The following CAMTA1 variants were observed in gnomAD, a reference collection of about 807,000 sequenced individuals.
CAMTA1 encodes calmodulin binding transcription activator 1.
In CAMTA1, 27 loss-of-function variants were observed where a neutral mutation model predicts 170.9. That is an observed-to-expected ratio of 0.16 (90% CI 0.12 to 0.22). The LOEUF (loss-of-function observed/expected upper bound fraction) is 0.22, where lower values mean the gene tolerates loss of function less well. Ranked by LOEUF, CAMTA1 falls within the 10% of genes least tolerant of loss-of-function variation. The probability of loss-of-function intolerance (pLI) is 1.00; values close to 1 mark genes in which losing one functional copy is unlikely to be tolerated. For synonymous variants in CAMTA1, 833 were observed against 891.5 expected, an observed-to-expected ratio of 0.93 and a Z score of 1.17; for missense variants, 1,619 against 2,217.2, an observed-to-expected ratio of 0.73 and a Z score of 5.42.
chr1:7,531,017 A>G (rs1010879597), intron 6 of CAMTA1, among the ~76,000 whole-genome samples: 1 of 151,918 alleles, frequency 6.6e-6, no homozygotes, highest in African/African-American at 2.4e-5. Context: ...GGGTTTCACC[A>G]TGTTGGCCAG....
chr1:7,621,327 C>A (rs2095596817), intron 6 of CAMTA1, among the ~76,000 whole-genome samples: 1 of 152,222 alleles, frequency 6.6e-6, no homozygotes, highest in Admixed American at 6.5e-5. Flanking sequence ...CAGGCCACAG[C>A]CAGAATACGT....
chr1:7,229,363 G>A (rs146527414), intron 4 of CAMTA1, among the ~76,000 whole-genome samples: 201 of 146,880 alleles, frequency 1.4e-3, no homozygotes, highest in Non-Finnish European at 2.7e-3. Flanking sequence ...GCAGCTGGAG[G>A]CCAGGACAAT....
intron 6 of CAMTA1, among the ~76,000 whole-genome samples, chr1:7,509,412 C>G (rs2094169130): frequency 6.6e-6 from 1 of 152,192 alleles, no homozygotes; most frequent in Non-Finnish European, 1.5e-5. Context: ...AGAGAGAAAA[C>G]ACCGTGACAC....
At chr1:7,278,782 G>C (rs1478651631) in intron 5 of CAMTA1, among the ~76,000 whole-genome samples, 2 of 152,198 alleles carry the variant, frequency 1.3e-5, no homozygotes, top group Non-Finnish European at 2.9e-5. Flanking sequence ...ACAAGGTCTT[G>C]GCCCTCACGT....
intron 6 of CAMTA1, among the ~76,000 whole-genome samples, chr1:7,518,335 T>TC (rs2094314773): frequency 6.6e-6 from 1 of 151,802 alleles, no homozygotes; most frequent in African/African-American, 2.4e-5. Context: ...CTAATATGGC[T>TC]CTTCTGTTCC....
chr1:7,145,987 T>A (rs1361627882), intron 4 of CAMTA1, among the ~76,000 whole-genome samples: 1 of 152,246 alleles, frequency 6.6e-6, no homozygotes, highest in African/African-American at 2.4e-5. Context: ...GTAGCAGAGA[T>A]AATCTCAACC....
chr1:7,727,411 C>T (rs1000545789), intron 11 of CAMTA1, among the ~76,000 whole-genome samples: 17 of 152,132 alleles, frequency 1.1e-4, no homozygotes, highest in African/African-American at 4.1e-4. Context: ...CGTGAGCCAC[C>T]GCGCCCAGCC....
rs1437423996 is a variant in CAMTA1, at chr1:6,934,863, G to A, written c.234+109653G>A. Among the ~76,000 whole-genome samples the A allele has an allele frequency of 6.6e-6, 1 of 152,130 alleles. No homozygotes were observed. Among genetic ancestry groups the A allele is most frequent in the Non-Finnish European group, 1.5e-5 (1 of 68,028 alleles). On this transcript the variant is annotated intron_variant, in intron 3 of 22. Transcript: ENST00000303635. The surrounding 1 kb of genome is among the most constrained non-coding windows in gnomAD (Gnocchi z 4.5). ...CACTTGAGGCTTCCCCTGGGGAGAA[G>A]GAGCTGTTAAACTGTCAAAATAAAA...
chr1:6,987,619 G>A (rs1695576590), intron 3 of CAMTA1, among the ~76,000 whole-genome samples: 1 of 152,214 alleles, frequency 6.6e-6, no homozygotes, highest in South Asian at 2.1e-4. Flanking sequence ...AAGAAGTTCT[G>A]ACCGGAACAA....
Position 7,737,303 on chromosome 1 carries a change from A to G in CAMTA1, c.3391A>G (p.Lys1131Glu), listed in dbSNP as rs376548872. 1 of 1,614,044 alleles carries G rather than the reference A, an allele frequency of 6.2e-7. No homozygotes were observed. Among genetic ancestry groups the G allele is most frequent in the African/African-American group, 1.3e-5 (1 of 74,938 alleles). Reference sequence around the variant, plus strand: ...CTTGGAAGCTGCCGTCGTGCTGTACAAGTGGGACCGTCGGGCCATCTCGAT... The same window carrying G: ...CTTGGAAGCTGCCGTCGTGCTGTACGAGTGGGACCGTCGGGCCATCTCGAT... ...GHLEAAVVLY[K>E]WDRRAISIPD... Residue 1131 changes from lysine (K) to glutamate (E), a missense_variant, in exon 15 of 23, where the codon AAG becomes GAG. Lys to Glu is a moderately conservative substitution (Grantham distance 56). This residue lies in a region of CAMTA1 where 60 missense variants were observed against 128.5 expected (regional missense o/e 0.47). Transcript: ENST00000303635.
At chr1:7,231,350 T>TGTGTGTGTGTGTGTGTGTGTGA (rs112268253) in intron 4 of CAMTA1, among the ~76,000 whole-genome samples, 2 of 141,106 alleles carry the variant, frequency 1.4e-5, no homozygotes, top group Non-Finnish European at 3.1e-5. Context: ...TGTGTGTGTG[T>TGTGTGTGTGTGTGTGTGTGTGA]GAGAGAGAGA....
intron 3 of CAMTA1, among the ~76,000 whole-genome samples, chr1:7,027,184 C>T (rs1425980453): frequency 1.3e-5 from 2 of 151,972 alleles, no homozygotes; most frequent in Non-Finnish European, 2.9e-5. Flanking sequence ...TTATCTTTCT[C>T]GCCTCTGGAG....
intron 10 of CAMTA1, among the ~76,000 whole-genome samples, chr1:7,676,676 G>A (rs892405283): frequency 3.3e-5 from 5 of 152,214 alleles, no homozygotes; most frequent in East Asian, 1.9e-4. Context: ...CTGGTATTCC[G>A]GAAAAGCAGG....
At chr1:7,341,410 C>T (rs1026311177) in intron 5 of CAMTA1, among the ~76,000 whole-genome samples, 1 of 152,232 alleles carries the variant, frequency 6.6e-6, no homozygotes, top group African/African-American at 2.4e-5. Flanking sequence ...AGGTGGGGCA[C>T]AGCTGTCATC....
intron 6 of CAMTA1, among the ~76,000 whole-genome samples, chr1:7,551,834 C>A (rs1015414511): frequency 1.3e-5 from 2 of 152,194 alleles, no homozygotes; most frequent in African/African-American, 4.8e-5. Flanking sequence ...TAGAAGGACA[C>A]CTCTTAGGCT....
chr1:7,511,903 C>T (rs1009742243), intron 6 of CAMTA1, among the ~76,000 whole-genome samples: 16 of 152,216 alleles, frequency 1.1e-4, no homozygotes, highest in African/African-American at 2.7e-4. Flanking sequence ...CAGAAGAAAT[C>T]GCAGTCTGCA....
At chr1:7,410,969 A>ATG (rs557640682) in intron 5 of CAMTA1, among the ~76,000 whole-genome samples, 2 of 147,636 alleles carry the variant, frequency 1.4e-5, no homozygotes, top group African/African-American at 5.1e-5. Context: ...CTGTGTGTGT[A>ATG]TGTGTGTGTA....
At chr1:7,027,732 G>A (rs188241217) in intron 3 of CAMTA1, among the ~76,000 whole-genome samples, 25 of 152,232 alleles carry the variant, frequency 1.6e-4, no homozygotes, top group African/African-American at 5.3e-4. Flanking sequence ...GACAGTGGGC[G>A]TGGAGGGAGA....
intron 3 of CAMTA1, among the ~76,000 whole-genome samples, chr1:6,933,558 CCTT>C (rs2149384924): frequency 6.6e-6 from 1 of 152,258 alleles, no homozygotes; most frequent in South Asian, 2.1e-4. Context: ...CTGTGCCTGG[CCTT>C]CTCCTATGTT....
Sources: allele counts gnomAD v4.1 joint callset (sites outside exome capture counted in the v4.1 genomes callset), GRCh38; gene constraint gnomAD v4.1.1; regional missense constraint gnomAD v4.1.1; non-coding constraint Gnocchi (gnomAD v3.1); transcripts MANE v1.5; gene names NCBI Gene and HGNC (gene_info 2026-07-23, HGNC 2026-07-21).